Variants in DDX60 observed in about 807,000 individuals in gnomAD.
DDX60 encodes DExD/H-box helicase 60.
A neutral mutation model predicts 212.8 loss-of-function variants in DDX60; 165 were observed. The observed-to-expected ratio is 0.78, with a 90% CI of 0.68 to 0.88. The LOEUF (loss-of-function observed/expected upper bound fraction) is 0.88, where lower values mean the gene tolerates loss of function less well. DDX60 is among the 40% of genes least tolerant of loss of function. DDX60 has a pLI of 0.00. For missense variants in DDX60, 1,905 were observed against 2,003.9 expected (o/e 0.95, Z 0.94); for synonymous variants, 703 against 685.3 (o/e 1.03, Z -0.40).
At chr4:168,296,713 A>G (rs551300472) in intron 6 of DDX60, among the ~76,000 whole-genome samples, 1 of 152,098 alleles carries the variant, frequency 6.6e-6, no homozygotes, top group Non-Finnish European at 1.5e-5. Flanking sequence ...ATTACAAAAA[A>G]TAATAGCAGG....
intron 30 of DDX60, among the ~76,000 whole-genome samples, chr4:168,240,244 C>A (rs914851258): frequency 4.6e-5 from 7 of 152,112 alleles, no homozygotes; most frequent in South Asian, 2.1e-4. Context: ...GAATATAATA[C>A]CTAGGAATAC....
At chr4:168,276,346 C>T (rs891848688) in intron 14 of DDX60, among the ~76,000 whole-genome samples, 165 bp from the exon 15 acceptor site, 1 of 152,272 alleles carries the variant, frequency 6.6e-6, no homozygotes, top group Admixed American at 6.5e-5. Context: ...CCACTATCCA[C>T]ACTTCATCAT....
rs137933604 is a variant in DDX60 at position 168,280,373 on chromosome 4, C to A, written c.1940G>T (p.Cys647Phe). 2 of 1,613,658 alleles carry A rather than the reference C, an allele frequency of 1.2e-6. No individual in the cohort carries two copies. Among genetic ancestry groups the A allele is most frequent in the East Asian group, 2.2e-5 (1 of 44,862 alleles). ...LQVEMVGLTACLKAWKEHCRS... is the reference protein window; with the variant it reads ...LQVEMVGLTAFLKAWKEHCRS... ...GCAATGTTCTTTCCAGGCTTTCAAG[C>A]AAGCAGTTAACCCCACCATTTCAAC... The change falls in exon 14 of 38, where the codon TGC becomes TTC. Residue 647 changes from cysteine to phenylalanine, a missense_variant. Cys to Phe is a radical substitution (Grantham distance 205). Transcript: ENST00000393743.
chr4:168,254,578 C>T (rs1271103336), intron 26 of DDX60, among the ~76,000 whole-genome samples: 1 of 151,908 alleles, frequency 6.6e-6, no homozygotes, highest in Non-Finnish European at 1.5e-5. Context: ...ACTAAAGACA[C>T]AAGAAGAAAA....
In DDX60 at chr4:168,299,157, C is replaced by CAA. The variant is rs1197872492; in HGVS notation, c.723+3141_723+3142dup. On this transcript the variant is annotated intron_variant, in intron 6 of 37. Coordinates refer to ENST00000393743, the MANE Select transcript of DDX60 (RefSeq NM_017631.6). ...GCCTGGCGACAGAGCGAGACTGTCT[C>CAA]AAAAAAAAAAAAAAAAAAAAAAAAA... 3.2e-3 allele frequency among the ~76,000 whole-genome samples: 198 copies of CAA among 61,932 alleles called. 3 individuals carry two copies. The highest frequency in any genetic ancestry group is 4.6e-3 in the Non-Finnish European group (155 of 34,030). 40.6% of individuals were successfully genotyped at this position (61,932 alleles called of 152,430 possible). A position where few individuals can be genotyped will look rare whatever the true frequency, so the allele number is the denominator to read the frequency against.
intron 5 of DDX60, among the ~76,000 whole-genome samples, chr4:168,303,996 T>TA (rs1486374687): frequency 6.6e-6 from 1 of 151,630 alleles, no homozygotes; most frequent in South Asian, 2.1e-4. Flanking sequence ...AAAACAACAA[T>TA]AAAAAAAGTA....
intron 16 of DDX60, 123 bp downstream of exon 16, chr4:168,275,222 T>A (rs1247350245): frequency 1.0e-6 from 1 of 955,216 alleles, no homozygotes; most frequent in African/African-American, 1.7e-5. Context: ...ACATTTTCAA[T>A]AACAAAGTAT....
chr4:168,255,395 G>T (rs1734363189), intron 26 of DDX60, among the ~76,000 whole-genome samples: 1 of 152,180 alleles, frequency 6.6e-6, no homozygotes, highest in African/African-American at 2.4e-5. Flanking sequence ...GTGATAGCCA[G>T]AGTTCATATA....
At chr4:168,276,318 T>C in intron 14 of DDX60, 137 bp from the exon 15 acceptor site, 2 of 617,550 alleles carry the variant, frequency 3.2e-6, no homozygotes, top group Non-Finnish European at 5.3e-6. Flanking sequence ...AAGGACCAAA[T>C]AAAGTAAAAT....
At chr4:168,263,857 G>C (rs1734726812) in intron 22 of DDX60, among the ~76,000 whole-genome samples, 2 of 152,114 alleles carry the variant, frequency 1.3e-5, no homozygotes, top group Admixed American at 1.3e-4. Flanking sequence ...TGGGCTAAGA[G>C]AGTATTCTTC....
intron 33 of DDX60, among the ~76,000 whole-genome samples, chr4:168,232,390 G>C (rs1030087040): frequency 4.0e-5 from 6 of 151,898 alleles, no homozygotes; most frequent in African/African-American, 1.5e-4. Flanking sequence ...CCAAAGAAAA[G>C]CCCATATAGT....
chr4:168,312,308 A>G (rs1382489802), intron 1 of DDX60, among the ~76,000 whole-genome samples: 1 of 152,174 alleles, frequency 6.6e-6, no homozygotes, highest in East Asian at 1.9e-4. Context: ...AAGATTCCCC[A>G]TAAGCCATGA....
intron 33 of DDX60, among the ~76,000 whole-genome samples, chr4:168,225,971 T>C (rs1478642013): frequency 6.6e-6 from 1 of 152,080 alleles, no homozygotes; most frequent in Non-Finnish European, 1.5e-5. Flanking sequence ...AACATTAGAC[T>C]TGTGAAAATT....
At chr4:168,264,212 C>T (rs965069923) in intron 22 of DDX60, among the ~76,000 whole-genome samples, 13 of 152,126 alleles carry the variant, frequency 8.5e-5, no homozygotes, top group Non-Finnish European at 1.8e-4. Context: ...AATGAAAATA[C>T]AATATTTTTA....
chr4:168,308,087 G>C lies in DDX60; in HGVS notation c.183C>G (p.Asn61Lys). ...ICEISFKPGQNLHFFYLVERY... is the reference protein window; with the variant it reads ...ICEISFKPGQKLHFFYLVERY... Reference sequence around the variant, plus strand: ...GTTCAACCAGATAGAAGAAATGGAGGTTCTGCCCAGGCTTAAATGATATCT... The same window carrying C: ...GTTCAACCAGATAGAAGAAATGGAGCTTCTGCCCAGGCTTAAATGATATCT... The change falls in exon 4 of 38, where the codon AAC becomes AAG. Residue 61 changes from asparagine to lysine, a missense_variant. Transcript: ENST00000393743. The C allele has an allele frequency of 6.2e-7, 1 of 1,611,912 alleles. No individual in the cohort carries two copies. Among genetic ancestry groups the C allele is most frequent in the Non-Finnish European group, 8.5e-7 (1 of 1,179,276 alleles).
intron 16 of DDX60, 110 bp from the exon 17 acceptor site, chr4:168,274,193 T>C: frequency 7.7e-7 from 1 of 1,306,296 alleles, no homozygotes; most frequent in Non-Finnish European, 1.1e-6. Flanking sequence ...AAAGGATCTG[T>C]AGGTACATCT....
At chr4:168,271,213 G>A (rs1199565922) in intron 19 of DDX60, among the ~76,000 whole-genome samples, 3 of 152,100 alleles carry the variant, frequency 2.0e-5, no homozygotes, top group Non-Finnish European at 2.9e-5. Flanking sequence ...ATATAGCTTT[G>A]CTAAGTATCT....
intron 6 of DDX60, among the ~76,000 whole-genome samples, chr4:168,297,252 C>A (rs1736387883): frequency 7.5e-6 from 1 of 133,808 alleles, no homozygotes; most frequent in Admixed American, 7.8e-5. Flanking sequence ...AAAAACAGGG[C>A]TGGAAAGAAA....
intron 30 of DDX60, among the ~76,000 whole-genome samples, chr4:168,238,671 T>C (rs1055473706): frequency 3.9e-5 from 6 of 152,026 alleles, no homozygotes; most frequent in African/African-American, 9.7e-5. Flanking sequence ...GAGATGGCAA[T>C]AGTCAGAAAA....
Sources: allele counts gnomAD v4.1 joint callset (sites outside exome capture counted in the v4.1 genomes callset), GRCh38; gene constraint gnomAD v4.1.1; transcripts MANE v1.5; gene names NCBI Gene and HGNC (gene_info 2026-07-23, HGNC 2026-07-21).